The following MAST4 variants were observed in gnomAD, a reference collection of about 807,000 sequenced individuals.
MAST4 encodes the protein microtubule associated serine/threonine kinase family member 4.
MAST4 carries 89 observed loss-of-function variants against 162.7 expected under a neutral mutation model. That is an observed-to-expected ratio of 0.55 (90% CI 0.46 to 0.65). MAST4 has a LOEUF of 0.65. MAST4 is among the 30% of genes least tolerant of loss of function. The pLI is 0.00. For synonymous variants in MAST4, 1,479 were observed against 1,361.1 expected (o/e 1.09, Z -1.91); for missense variants, 3,153 against 3,374.0 (o/e 0.93, Z 1.62).
rs562009383 is a variant in MAST4, at chr5:67,123,434, G to A, written c.1745+2332G>A. On this transcript the variant is annotated intron_variant, in intron 14 of 28. Transcript: ENST00000403625. The stretch of plus-strand genomic sequence containing the variant: ...CTTTTTGCCAACTTAGTGCTTTATA[G>A]AAAGCTGGTGCTATGTGCCTGGCAC... Among the ~76,000 whole-genome samples, 12 of 152,310 alleles carry A rather than the reference G, an allele frequency of 7.9e-5. No individual in the cohort carries two copies. In the South Asian group the frequency reaches 2.5e-3, roughly 32 times the overall value.
At chr5:67,081,961 G>A (rs982511877) in intron 5 of MAST4, among the ~76,000 whole-genome samples, 1 of 152,052 alleles carries the variant, frequency 6.6e-6, no homozygotes. Flanking sequence ...CCTTAGCCAC[G>A]TGACCAAAGT....
intron 3 of MAST4, among the ~76,000 whole-genome samples, chr5:66,824,666 A>G (rs115347881): frequency 7.0e-4 from 106 of 152,358 alleles, no homozygotes; most frequent in African/African-American, 2.5e-3. Flanking sequence ...TAACAAGGAC[A>G]TGTTCTGAGA....
intron 4 of MAST4, among the ~76,000 whole-genome samples, chr5:66,953,935 G>C (rs73768717): frequency 0.019 from 2,944 of 152,220 alleles, 95 homozygotes; most frequent in African/African-American, 0.068. Flanking sequence ...AATGTCTTCA[G>C]ACATTGCAAA....
At chr5:67,108,796 C>A (rs1765886565) in intron 10 of MAST4, among the ~76,000 whole-genome samples, 1 of 152,060 alleles carries the variant, frequency 6.6e-6, no homozygotes, top group East Asian at 1.9e-4. Context: ...TTGATCTCTG[C>A]CAGTTCTTTT....
intron 1 of MAST4, among the ~76,000 whole-genome samples, chr5:66,615,261 T>G (rs1259847335): frequency 6.6e-6 from 1 of 152,080 alleles, no homozygotes; most frequent in Non-Finnish European, 1.5e-5. Context: ...AACCTTTTGG[T>G]GGCAGCATGA....
chr5:66,980,585 C>T (rs1265692333), intron 4 of MAST4, among the ~76,000 whole-genome samples: 1 of 152,168 alleles, frequency 6.6e-6, no homozygotes, highest in East Asian at 1.9e-4. Flanking sequence ...CTGATGACCT[C>T]AATTCATCAG....
chr5:66,952,529 CCCG>C (rs1744827205), intron 4 of MAST4, among the ~76,000 whole-genome samples: 1 of 152,098 alleles, frequency 6.6e-6, no homozygotes, highest in Non-Finnish European at 1.5e-5. Flanking sequence ...GATCCCCTCC[CCCG>C]CCATTAACTT....
At chr5:66,969,596 G>A (rs956331952) in intron 4 of MAST4, among the ~76,000 whole-genome samples, 2 of 152,112 alleles carry the variant, frequency 1.3e-5, no homozygotes, top group Non-Finnish European at 2.9e-5. Flanking sequence ...CCAAGAGCTG[G>A]CCTATTTGTC....
Position 67,049,008 on chromosome 5 carries a change from C to CACACATATATATATACGT in MAST4, c.675-5395_675-5394insCACATATATATATACGTA, listed in dbSNP as rs1362965159. Among the ~76,000 whole-genome samples the CACACATATATATATACGT allele has an allele frequency of 4.6e-4, 48 of 104,510 alleles. 1 individual carries two copies. The highest frequency in any genetic ancestry group is 1.6e-3 in the African/African-American group (39 of 24,454). The allele number at this position is 104,510 out of a possible 152,430, so 68.6% of individuals were successfully genotyped here. A position where few individuals can be genotyped will look rare whatever the true frequency, so the allele number is the denominator to read the frequency against. ...ATATGTATATATATATATACACACA[C>CACACATATATATATACGT]ATATATATATATACGTATATATATA... On this transcript the variant is annotated intron_variant, in intron 4 of 28. Transcript: ENST00000403625.
chr5:66,871,821 A>G (rs956225191), intron 3 of MAST4, among the ~76,000 whole-genome samples: 3 of 152,244 alleles, frequency 2.0e-5, no homozygotes, highest in Non-Finnish European at 4.4e-5. Context: ...ACATAAGGCC[A>G]TTTAGCAACT....
At chr5:66,907,558 C>G (rs1429768990) in intron 4 of MAST4, among the ~76,000 whole-genome samples, 1 of 147,804 alleles carries the variant, frequency 6.8e-6, no homozygotes, top group Non-Finnish European at 1.5e-5. Context: ...AAGTGAGCTT[C>G]TATATAATGA....
At chr5:66,983,318 A>G (rs1223616082) in intron 4 of MAST4, among the ~76,000 whole-genome samples, 3 of 152,204 alleles carry the variant, frequency 2.0e-5, no homozygotes, top group African/African-American at 4.8e-5. Context: ...CTTTTCCATG[A>G]TGACAGACGG....
At chr5:67,020,863 T>G (rs542987411) in intron 4 of MAST4, among the ~76,000 whole-genome samples, 72 of 152,232 alleles carry the variant, frequency 4.7e-4, no homozygotes, top group Non-Finnish European at 8.5e-4. Flanking sequence ...CACTGCCTGG[T>G]TTTGTGTACC....
chr5:66,619,395 C>G, intron 1 of MAST4, among the ~76,000 whole-genome samples: 1 of 95,822 alleles, frequency 1.0e-5, no homozygotes, highest in African/African-American at 4.0e-5. Flanking sequence ...TCCCTGAAAA[C>G]TCATAAAAAT....
intron 2 of MAST4, among the ~76,000 whole-genome samples, chr5:66,780,680 C>T (rs145873435): frequency 3.9e-5 from 6 of 152,150 alleles, no homozygotes; most frequent in Non-Finnish European, 8.8e-5. Flanking sequence ...TTGGCCCTGC[C>T]GATGTCCTGC....
intron 1 of MAST4, among the ~76,000 whole-genome samples, chr5:66,603,318 T>C (rs909023230): frequency 2.6e-5 from 4 of 152,240 alleles, no homozygotes; most frequent in African/African-American, 9.6e-5. Context: ...CTGTTCTTAG[T>C]GATCAGTTAT....
chr5:67,047,563 G>A (rs982712278), intron 4 of MAST4, among the ~76,000 whole-genome samples: 4 of 152,048 alleles, frequency 2.6e-5, no homozygotes, highest in Non-Finnish European at 5.9e-5. Flanking sequence ...TTCCTCCATC[G>A]CTATCTCATG....
At chr5:66,899,802 A>G in intron 3 of MAST4, 149 bp from the exon 4 acceptor site, 1 of 587,022 alleles carries the variant, frequency 1.7e-6, no homozygotes, top group Non-Finnish European at 2.8e-6. Context: ...GGGATCCAGC[A>G]TAAAATTATG....
rs73765777 is a variant in MAST4 at position 66,888,911 on chromosome 5, G to T, written c.643-11040G>T. 6.4e-3 allele frequency among the ~76,000 whole-genome samples: 982 copies of T among 152,254 alleles called. 9 individuals carry two copies. The highest frequency in any genetic ancestry group is 0.022 in the African/African-American group (922 of 41,524). ...CACTTCTTTCCCAGGGCATTTTCCT[G>T]GATAATGAGAAGACTCTAAAATCAA... is the stretch of plus-strand genomic sequence containing the variant. On this transcript the variant is annotated intron_variant, in intron 3 of 28. Coordinates refer to ENST00000403625, the MANE Select transcript of MAST4 (RefSeq NM_001164664.2).
Sources: allele counts gnomAD v4.1 joint callset (sites outside exome capture counted in the v4.1 genomes callset), GRCh38; gene constraint gnomAD v4.1.1; transcripts MANE v1.5; gene names NCBI Gene and HGNC (gene_info 2026-07-23, HGNC 2026-07-21).